APBA2: variants seen among roughly 807,000 people sequenced by gnomAD.
APBA2 encodes the protein amyloid beta precursor protein binding family A member 2, also known as amyloid-beta A4 precursor protein-binding family A member 2.
Under a neutral mutation model 75.0 loss-of-function variants are expected in APBA2, and 30 were observed. The ratio of observed to expected loss-of-function variants is 0.40; its 90% CI spans 0.30 to 0.54. APBA2 has a LOEUF of 0.54. APBA2 is among the 20% of genes least tolerant of loss of function. The pLI is 0.49. For synonymous variants in APBA2, 444 were observed against 409.6 expected, an observed-to-expected ratio of 1.08 and a Z score of -1.01; for missense variants, 801 against 1,016.1, an observed-to-expected ratio of 0.79 and a Z score of 2.88.
chr15:28,938,173 C>A (rs2034986872), intron 2 of APBA2, among the ~76,000 whole-genome samples: 1 of 152,158 alleles, frequency 6.6e-6, no homozygotes, highest in Admixed American at 6.5e-5. Context: ...TTTCTCAGAC[C>A]ACGGTGCCCT....
In APBA2 at chr15:29,010,478, T is replaced by G. The variant is rs535162808; in HGVS notation, c.-41+14672T>G. Among the ~76,000 whole-genome samples, 121 of 152,258 alleles carry G rather than the reference T, an allele frequency of 7.9e-4. 2 individuals carry two copies. The South Asian group carries it at 0.022, about 27-fold the overall frequency. ...TTTCACCGTGTTAGCCAGGATAGTC[T>G]CGATCTCCTGACCTCGTGATCCGCC... On this transcript the variant is annotated intron_variant, in intron 3 of 14. Coordinates refer to ENST00000683413, the MANE Select transcript of APBA2 (RefSeq NM_001353788.2).
chr15:29,112,554 A>G (rs2044792203), intron 13 of APBA2, among the ~76,000 whole-genome samples: 1 of 152,134 alleles, frequency 6.6e-6, no homozygotes, highest in Non-Finnish European at 1.5e-5. Flanking sequence ...TCCTTTCTCC[A>G]GGATAAGAGG....
rs557195536 is a variant in APBA2, at chr15:29,015,140, A to G, written c.-41+19334A>G. ...TGTTTATATGACTGCTATGATTGTC[A>G]AGGGAAATAAGGAGAAATGAATGGG... is the stretch of plus-strand genomic sequence containing the variant. On this transcript the variant is annotated intron_variant, in intron 3 of 14. Coordinates refer to ENST00000683413, the MANE Select transcript of APBA2 (RefSeq NM_001353788.2). Among the ~76,000 whole-genome samples, 236 of 152,232 alleles carry G rather than the reference A, an allele frequency of 1.6e-3. 4 individuals are homozygous for G. In the South Asian group the frequency reaches 0.037, roughly 24 times the overall value.
intron 1 of APBA2, among the ~76,000 whole-genome samples, chr15:28,887,285 C>T (rs2031808763): frequency 6.6e-6 from 1 of 152,220 alleles, no homozygotes; most frequent in African/African-American, 2.4e-5. Context: ...CCTCTGGCCT[C>T]TTCAACCTCC....
At chr15:28,994,766 C>T (rs376081033) in intron 2 of APBA2, among the ~76,000 whole-genome samples, 3 of 152,136 alleles carry the variant, frequency 2.0e-5, no homozygotes, top group Non-Finnish European at 4.4e-5. Context: ...GTGATGAAGT[C>T]GAAGCCACTG....
At chr15:29,076,215 G>A (rs2042844303) in intron 6 of APBA2, 124 bp downstream of exon 6, 1 of 1,059,404 alleles carries the variant, frequency 9.4e-7, no homozygotes, top group Non-Finnish European at 1.5e-6. Flanking sequence ...TACCAGCAAG[G>A]TGCTTGGCCA....
chr15:28,968,679 T>G (rs530888025), intron 2 of APBA2, among the ~76,000 whole-genome samples: 1 of 152,306 alleles, frequency 6.6e-6, no homozygotes, highest in East Asian at 1.9e-4. Context: ...TGTTGAAGTC[T>G]TAAGCTCCAG....
At chr15:28,972,132 TC>T (rs2037101503) in intron 2 of APBA2, among the ~76,000 whole-genome samples, 1 of 152,082 alleles carries the variant, frequency 6.6e-6, no homozygotes, top group African/African-American at 2.4e-5. Context: ...ATGATAAGGT[TC>T]CCCAAAGGGA....
chr15:29,101,376 C>T (rs954831308), intron 9 of APBA2, among the ~76,000 whole-genome samples: 3 of 152,110 alleles, frequency 2.0e-5, no homozygotes, highest in African/African-American at 7.2e-5. Flanking sequence ...ATTACAGGCA[C>T]CTGCCACCAC....
intron 6 of APBA2, among the ~76,000 whole-genome samples, chr15:29,090,252 G>A (rs545752862): frequency 1.3e-5 from 2 of 152,332 alleles, no homozygotes; most frequent in East Asian, 1.9e-4. Flanking sequence ...GCCTCATCCC[G>A]GAAGCAGGCA....
intron 4 of APBA2, among the ~76,000 whole-genome samples, chr15:29,069,548 T>A (rs886260360): frequency 6.6e-6 from 1 of 152,270 alleles, no homozygotes; most frequent in African/African-American, 2.4e-5. Context: ...GTTTGGTCTC[T>A]GGCCTCACCG....
intron 1 of APBA2, among the ~76,000 whole-genome samples, chr15:28,897,733 G>A (rs2032593982): frequency 6.6e-6 from 1 of 151,958 alleles, no homozygotes; most frequent in South Asian, 2.1e-4. Context: ...AACTGCTTTG[G>A]GAAGCTTTTT....
intron 13 of APBA2, among the ~76,000 whole-genome samples, chr15:29,110,838 CAGAGAGCTGG>C (rs1489993684): frequency 6.6e-6 from 1 of 152,158 alleles, no homozygotes; most frequent in Non-Finnish European, 1.5e-5. Context: ...CCTTTCTTCC[CAGAGAGCTGG>C]AGAGTGCAAT....
chr15:28,926,833 T>G lies in APBA2; in HGVS notation c.-95+5084T>G, dbSNP rs1595473878. Reference sequence around the variant, plus strand: ...GTTTCTTCTTTCAAAATTTTAAGGATTTCACTCCACTCTCTCTCTCTCTCT... The same window carrying G: ...GTTTCTTCTTTCAAAATTTTAAGGAGTTCACTCCACTCTCTCTCTCTCTCT... On this transcript the variant is annotated intron_variant, in intron 2 of 14. Transcript: ENST00000683413. Among the ~76,000 whole-genome samples, 4 of 151,850 alleles carry G rather than the reference T, an allele frequency of 2.6e-5. No homozygotes were observed. In the South Asian group the frequency reaches 8.3e-4, roughly 32 times the overall value.
At chr15:28,919,214 T>C (rs890204511) in intron 1 of APBA2, among the ~76,000 whole-genome samples, 10 of 152,038 alleles carry the variant, frequency 6.6e-5, no homozygotes, top group Non-Finnish European at 1.3e-4. Context: ...CTTGCGAACC[T>C]TTTACCTGGG....
chr15:28,960,515 C>T (rs960194526), intron 2 of APBA2, among the ~76,000 whole-genome samples: 3 of 151,834 alleles, frequency 2.0e-5, no homozygotes, highest in African/African-American at 7.3e-5. Context: ...CATATGACAT[C>T]TGTCTACCTT....
At chr15:28,902,051 G>T (rs1018575005) in intron 1 of APBA2, among the ~76,000 whole-genome samples, 1 of 151,728 alleles carries the variant, frequency 6.6e-6, no homozygotes, top group Non-Finnish European at 1.5e-5. Flanking sequence ...AGGCATCACA[G>T]ATGGGGGCTC....
In APBA2 at chr15:29,117,492, G is replaced by T. The variant is rs1455647281; in HGVS notation, c.*359G>T. On this transcript the variant is annotated 3_prime_UTR_variant, in exon 15 of 15. Transcript: ENST00000683413. ...GCGGAGCGAACTGGCGCCTCCGAGG[G>T]ACGCGGCTCCCGGGGCAGGGCAGCC... 3.3e-6 allele frequency: 1 copy of T among 300,454 alleles called. No homozygotes were observed. The highest frequency in any genetic ancestry group is 6.3e-6 in the Non-Finnish European group (1 of 158,070). 18.6% of individuals were successfully genotyped at this position (300,454 alleles called of 1,614,324 possible).
At chr15:29,001,826 T>C (rs1439009080) in intron 3 of APBA2, among the ~76,000 whole-genome samples, 1 of 151,972 alleles carries the variant, frequency 6.6e-6, no homozygotes, top group Non-Finnish European at 1.5e-5. Flanking sequence ...AGATGGAAAA[T>C]GGGTTAAGAA....
Sources: gnomAD v4.1 joint callset for allele counts (sites outside exome capture counted in the v4.1 genomes callset) on GRCh38, gnomAD v4.1.1 for gene constraint, MANE v1.5 for transcripts, NCBI Gene and HGNC (gene_info 2026-07-23, HGNC 2026-07-21) for gene names.